The following CDH4 variants were observed in gnomAD, a reference collection of about 807,000 sequenced individuals.
CDH4 encodes the protein cadherin-4.
In CDH4, 33 loss-of-function variants were observed where a neutral mutation model predicts 86.0. The ratio of observed to expected loss-of-function variants is 0.38; its 90% CI spans 0.29 to 0.51. The LOEUF (loss-of-function observed/expected upper bound fraction) is 0.51, where lower values mean the gene tolerates loss of function less well. Ranked by LOEUF, CDH4 falls within the 20% of genes least tolerant of loss-of-function variation. The probability of loss-of-function intolerance (pLI) is 0.86; values close to 1 mark genes in which losing one functional copy is unlikely to be tolerated. For missense variants in CDH4, 1,114 were observed against 1,307.4 expected (o/e 0.85, Z 2.28); for synonymous variants, 555 against 549.4 (o/e 1.01, Z -0.14).
At chr20:61,484,868 C>T (rs1200728157) in intron 2 of CDH4, among the ~76,000 whole-genome samples, 1 of 152,216 alleles carries the variant, frequency 6.6e-6, no homozygotes, top group Admixed American at 6.5e-5. Context: ...GCTACAATGA[C>T]AGGGGCCAAA....
At chr20:61,719,084 C>A in intron 2 of CDH4, 1 of 471,172 alleles carries the variant, frequency 2.1e-6, no homozygotes, top group Middle Eastern at 3.2e-4. Context: ...CTGGCGAAAG[C>A]AAATGATCAA....
At chr20:61,723,849 G>A (rs573544258) in intron 2 of CDH4, among the ~76,000 whole-genome samples, 6 of 152,330 alleles carry the variant, frequency 3.9e-5, no homozygotes, top group East Asian at 1.9e-4. Flanking sequence ...TGAGCCAGAC[G>A]TGCAAGCGGC....
chr20:61,512,055 G>A (rs2085784162), intron 2 of CDH4, among the ~76,000 whole-genome samples: 1 of 152,166 alleles, frequency 6.6e-6, no homozygotes, highest in African/African-American at 2.4e-5. Flanking sequence ...TTCCTCGCCT[G>A]CAAGGACTGT....
At position 61,663,190 on chromosome 20, in the gene CDH4, G is replaced by A. The variant is rs532024366; in HGVS notation, c.170-80373G>A. On this transcript the variant is annotated intron_variant, in intron 2 of 15. Transcript: ENST00000614565. The surrounding 1 kb of genome is among the most constrained non-coding windows in gnomAD (Gnocchi z 5.0). ...CAGCTCCATGAGTGTCCACGCCTCC[G>A]TGTGTGGACTGATGAGGTAAACGTT... Among the ~76,000 whole-genome samples, 9 of 152,338 alleles carry A rather than the reference G, an allele frequency of 5.9e-5. No homozygotes were observed. The highest frequency in any genetic ancestry group is 4.6e-4 in the Admixed American group (7 of 15,310).
At chr20:61,429,783 A>ATGGG (rs1009782903) in intron 2 of CDH4, among the ~76,000 whole-genome samples, 4 of 149,806 alleles carry the variant, frequency 2.7e-5, no homozygotes, top group South Asian at 2.1e-4. Context: ...GGATGGATGG[A>ATGGG]TGGGTGGGTG....
rs538278320 is a variant in CDH4 at position 61,852,864 on chromosome 20, C to G, written c.843C>G (p.Val281=). ...ACCGCCCTGAGTTCATCAACCAGGT[C>G]TACAACGGCTCCGTGGACGAGGGCT... is the stretch of plus-strand genomic sequence containing the variant. ...NDNRPEFINQ[V]YNGSVDEGSK... is the part of the protein sequence containing the mutation. Residue 281 remains valine (V), a synonymous_variant, in exon 6 of 16, where the codon GTC becomes GTG. Coordinates refer to ENST00000614565, the MANE Select transcript of CDH4 (RefSeq NM_001794.5). 6 of 1,614,048 alleles carry G rather than the reference C, an allele frequency of 3.7e-6. No homozygotes were observed. The South Asian group carries it at 4.4e-5, about 12-fold the overall frequency.
At chr20:61,877,682 A>G (rs1394415536) in intron 7 of CDH4, among the ~76,000 whole-genome samples, 3 of 151,914 alleles carry the variant, frequency 2.0e-5, no homozygotes, top group Non-Finnish European at 4.4e-5. Context: ...TTCCTTGATG[A>G]TCCTTCAGCT....
chr20:61,772,542 A>AT (rs1208150847), intron 3 of CDH4, among the ~76,000 whole-genome samples: 2 of 152,216 alleles, frequency 1.3e-5, no homozygotes, highest in African/African-American at 4.8e-5. Context: ...AGTGCTTTAT[A>AT]TGGTGACTAT....
intron 2 of CDH4, among the ~76,000 whole-genome samples, chr20:61,304,881 G>A (rs181472483): frequency 9.9e-5 from 15 of 152,056 alleles, no homozygotes; most frequent in Middle Eastern, 3.4e-3. Flanking sequence ...TGTTCGGTGC[G>A]TGTGTTGTGT....
rs1323772020 is a variant in CDH4 at position 61,393,275 on chromosome 20, G to A, written c.169+138338G>A. ...CAACAAGAGGCCATCTCACGGGCGA[G>A]CCCACACACCTGGAGAGAAACAGAA... On this transcript the variant is annotated intron_variant, in intron 2 of 15. Coordinates refer to ENST00000614565, the MANE Select transcript of CDH4 (RefSeq NM_001794.5). This position sits in a 1 kb window ranked among gnomAD's most constrained non-coding sequence, Gnocchi z 4.3. 6.6e-6 allele frequency among the ~76,000 whole-genome samples: 1 copy of A among 152,090 alleles called. No individual in the cohort carries two copies. Among genetic ancestry groups the A allele is most frequent in the Non-Finnish European group, 1.5e-5 (1 of 68,014 alleles).
intron 2 of CDH4, among the ~76,000 whole-genome samples, chr20:61,288,726 G>A (rs773693787): frequency 7.4e-4 from 112 of 152,370 alleles, no homozygotes; most frequent in Admixed American, 1.3e-3. Flanking sequence ...AGCACATGAA[G>A]GTGCCAGCGA....
chr20:61,329,090 C>T (rs1357627541), intron 2 of CDH4, among the ~76,000 whole-genome samples: 1 of 152,206 alleles, frequency 6.6e-6, no homozygotes, highest in Non-Finnish European at 1.5e-5. Flanking sequence ...TTATTGAACG[C>T]TGCACTGAAA....
At chr20:61,900,273 G>T (rs1985329487) in intron 8 of CDH4, among the ~76,000 whole-genome samples, 2 of 152,240 alleles carry the variant, frequency 1.3e-5, no homozygotes, top group Admixed American at 1.3e-4. Flanking sequence ...ACAGGAATTT[G>T]GCATCTTAAA....
chr20:61,599,787 C>T (rs2086583797), intron 2 of CDH4: 3 of 985,672 alleles, frequency 3.0e-6, no homozygotes, highest in Non-Finnish European at 2.4e-6. Context: ...TTTCTTCTTT[C>T]TCCCTCTGCC....
At chr20:61,322,708 C>T (rs2084515329) in intron 2 of CDH4, among the ~76,000 whole-genome samples, 1 of 152,200 alleles carries the variant, frequency 6.6e-6, no homozygotes, top group Non-Finnish European at 1.5e-5. Flanking sequence ...GAGACGCAGC[C>T]ACCGAGGGGT....
intron 3 of CDH4, among the ~76,000 whole-genome samples, chr20:61,767,889 C>A (rs2088719214): frequency 1.3e-5 from 2 of 152,192 alleles, no homozygotes; most frequent in Non-Finnish European, 1.5e-5. Context: ...TGAAACATCC[C>A]TGGGGAGCCA....
intron 2 of CDH4, among the ~76,000 whole-genome samples, chr20:61,584,555 T>G (rs1332665905): frequency 6.6e-6 from 1 of 152,136 alleles, no homozygotes; most frequent in African/African-American, 2.4e-5. Context: ...CTGTCTCCAG[T>G]GGACAGCAGG....
chr20:61,904,087 A>G (rs2054760180), intron 8 of CDH4, among the ~76,000 whole-genome samples: 1 of 152,136 alleles, frequency 6.6e-6, no homozygotes, highest in African/African-American at 2.4e-5. Context: ...GGCTTGCCCC[A>G]GCGGGGGACA....
intron 3 of CDH4, 38 bp downstream of exon 3, chr20:61,743,827 A>G: frequency 6.8e-7 from 1 of 1,461,840 alleles, no homozygotes; most frequent in Non-Finnish European, 9.4e-7. Context: ...TGGAGTTTAG[A>G]TGACCTAGTT....
Sources: gnomAD v4.1 joint callset for allele counts (sites outside exome capture counted in the v4.1 genomes callset) on GRCh38, gnomAD v4.1.1 for gene constraint, Gnocchi (gnomAD v3.1) non-coding constraint, MANE v1.5 for transcripts, NCBI Gene and HGNC (gene_info 2026-07-23, HGNC 2026-07-21) for gene names.